BTRC: variants seen among roughly 807,000 people sequenced by gnomAD.
BTRC encodes beta-transducin repeat containing E3 ubiquitin protein ligase, also known as F-box/WD repeat-containing protein 1A.
BTRC carries 42 observed loss-of-function variants against 85.5 expected under a neutral mutation model. The observed-to-expected ratio is 0.49, with a 90% confidence interval of 0.38 to 0.64. The LOEUF is 0.64. BTRC is among the 30% of genes least tolerant of loss of function. The pLI, the probability that BTRC is intolerant of heterozygous loss-of-function variation, is 0.00. For synonymous variants in BTRC, 255 were observed against 263.3 expected (o/e 0.97, Z 0.30); for missense variants, 594 against 743.5 (o/e 0.80, Z 2.34).
intron 1 of BTRC, among the ~76,000 whole-genome samples, chr10:101,358,474 A>G (rs1427819506): frequency 6.6e-6 from 1 of 152,244 alleles, no homozygotes; most frequent in Non-Finnish European, 1.5e-5. Flanking sequence ...AGTAGCTTGA[A>G]ATAGATGAAA....
At position 101,430,427 on chromosome 10, in the gene BTRC, G is replaced by A; in HGVS notation, c.131G>A (p.Gly44Glu). Residue 44 changes from glycine (G) to glutamate (E), a missense_variant, in exon 2 of 15, where the codon GGG (glycine) becomes GAG (glutamate). Around this residue, in one of 4 missense-constraint regions of BTRC, gnomAD observed 163 missense variants for 180.5 expected, o/e 0.90. Coordinates refer to ENST00000370187, the MANE Select transcript of BTRC (RefSeq NM_033637.4). Reference protein sequence around the residue: ...MPSLRCLYNPGTGALTAFQNS... With the variant: ...MPSLRCLYNPETGALTAFQNS... ...TCGCTGCGATGCCTGTATAACCCAGGGACTGGCGCACTCACAGCTTTCCAG... is the reference window on the plus strand; with the variant it reads ...TCGCTGCGATGCCTGTATAACCCAGAGACTGGCGCACTCACAGCTTTCCAG... 6.2e-7 allele frequency: 1 copy of A among 1,613,898 alleles called. No homozygotes were observed. Among genetic ancestry groups the A allele is most frequent in the African/African-American group, 1.3e-5 (1 of 75,006 alleles).
At chr10:101,501,263 CTA>C (rs1946394628) in intron 4 of BTRC, among the ~76,000 whole-genome samples, 1 of 152,042 alleles carries the variant, frequency 6.6e-6, no homozygotes, top group Admixed American at 6.5e-5. Flanking sequence ...GAATGAATCT[CTA>C]TTTTTAAATT....
intron 1 of BTRC, among the ~76,000 whole-genome samples, chr10:101,373,713 C>G (rs767844098): frequency 6.6e-6 from 1 of 152,116 alleles, no homozygotes; most frequent in East Asian, 1.9e-4. Context: ...GTCAGGAGAT[C>G]GAGACCATCC....
intron 1 of BTRC, among the ~76,000 whole-genome samples, chr10:101,362,168 C>G (rs1236493284): frequency 6.6e-6 from 1 of 151,702 alleles, no homozygotes; most frequent in African/African-American, 2.4e-5. Flanking sequence ...ACCATGTTGG[C>G]CAGGACAGTC....
At chr10:101,420,020 T>C (rs1944055949) in intron 1 of BTRC, among the ~76,000 whole-genome samples, 1 of 149,450 alleles carries the variant, frequency 6.7e-6, no homozygotes, top group South Asian at 2.2e-4. Context: ...GCCCTCTCAG[T>C]TGGTAGTCAG....
intron 4 of BTRC, among the ~76,000 whole-genome samples, chr10:101,494,404 AGCT>A (rs1404332117): frequency 6.6e-6 from 1 of 152,226 alleles, no homozygotes; most frequent in African/African-American, 2.4e-5. Flanking sequence ...AAATTGCTAA[AGCT>A]GACTTTATAG....
At chr10:101,515,222 C>T (rs1223281483) in intron 4 of BTRC, among the ~76,000 whole-genome samples, 1 of 152,160 alleles carries the variant, frequency 6.6e-6, no homozygotes, top group Non-Finnish European at 1.5e-5. Flanking sequence ...TCCCAAAGTG[C>T]TGGGATTACA....
At chr10:101,549,486 G>A (rs541993664) in intron 13 of BTRC, among the ~76,000 whole-genome samples, 11 of 151,292 alleles carry the variant, frequency 7.3e-5, no homozygotes, top group South Asian at 4.2e-4. Flanking sequence ...AGGCCGAGGC[G>A]GGTGGATCAC....
At chr10:101,549,736 A>T (rs1054808746) in intron 13 of BTRC, among the ~76,000 whole-genome samples, 17 of 149,106 alleles carry the variant, frequency 1.1e-4, no homozygotes, top group South Asian at 2.1e-4. Context: ...AAAAAAAAAA[A>T]GATGATGATG....
chr10:101,414,134 T>G (rs1943859019), intron 1 of BTRC, among the ~76,000 whole-genome samples: 1 of 152,266 alleles, frequency 6.6e-6, no homozygotes, highest in East Asian at 1.9e-4. Context: ...CCATTACCCA[T>G]CACCTCTCAG....
chr10:101,536,702 C>T (rs2062392684), intron 12 of BTRC, 49 bp downstream of exon 12: 1 of 1,384,738 alleles, frequency 7.2e-7, no homozygotes, highest in African/African-American at 1.4e-5. Context: ...CGTCTTAATC[C>T]TTCCTTATGT....
chr10:101,432,451 A>G (rs1944427489), intron 2 of BTRC, among the ~76,000 whole-genome samples: 1 of 152,088 alleles, frequency 6.6e-6, no homozygotes, highest in Non-Finnish European at 1.5e-5. Flanking sequence ...TTAACTACAT[A>G]TCATACTGAC....
At chr10:101,407,899 T>A (rs1404013918) in intron 1 of BTRC, among the ~76,000 whole-genome samples, 1 of 151,860 alleles carries the variant, frequency 6.6e-6, no homozygotes, top group Non-Finnish European at 1.5e-5. Flanking sequence ...ATTTTTTGTA[T>A]TTTTAGTAGA....
Position 101,550,826 on chromosome 10 carries a change from C to A in BTRC, c.1784C>A (p.Ser595Tyr). The A allele has an allele frequency of 6.2e-7, 1 of 1,614,056 alleles. No individual in the cohort carries two copies. Among genetic ancestry groups the A allele is most frequent in the Non-Finnish European group, 8.5e-7 (1 of 1,179,942 alleles). ...GCTGCCCAAGCTGAACCCCCCCGTT[C>A]CCCTTCTCGAACATACACCTACATC... ...DPAAQAEPPRSPSRTYTYISR is the reference protein window; with the variant it reads ...DPAAQAEPPRYPSRTYTYISR The change falls in exon 14 of 15, where the codon TCC (serine) becomes TAC (tyrosine). Residue 595 changes from serine (S) to tyrosine (Y), a missense_variant. By Grantham distance (144) the Ser-to-Tyr change is moderately radical (BLOSUM62 -2). Coordinates refer to ENST00000370187, the MANE Select transcript of BTRC (RefSeq NM_033637.4).
chr10:101,406,524 CTTTTTTTTT>C (rs58902120), intron 1 of BTRC, among the ~76,000 whole-genome samples: 10 of 50,424 alleles, frequency 2.0e-4, no homozygotes, highest in African/African-American at 3.9e-4. Flanking sequence ...TCTCAGGTTT[CTTTTTTTTT>C]TTTTTTTTTT....
At chr10:101,442,121 A>G (rs1193620499) in intron 2 of BTRC, among the ~76,000 whole-genome samples, 1 of 152,170 alleles carries the variant, frequency 6.6e-6, no homozygotes, top group Non-Finnish European at 1.5e-5. Context: ...ATGTAGCGGC[A>G]TATCAGAGTG....
intron 1 of BTRC, among the ~76,000 whole-genome samples, chr10:101,361,544 ATC>A (rs1253373176): frequency 6.6e-6 from 1 of 152,248 alleles, no homozygotes; most frequent in African/African-American, 2.4e-5. Flanking sequence ...TAATAAGTCA[ATC>A]TCAGCATTCT....
chr10:101,482,286 G>T (rs1025150393), intron 4 of BTRC, among the ~76,000 whole-genome samples: 3 of 151,378 alleles, frequency 2.0e-5, no homozygotes, highest in African/African-American at 7.3e-5. Context: ...CTCCCAAAGT[G>T]CTGGGATTAC....
intron 2 of BTRC, among the ~76,000 whole-genome samples, chr10:101,447,431 AG>A (rs1944856195): frequency 6.6e-6 from 1 of 152,188 alleles, no homozygotes; most frequent in African/African-American, 2.4e-5. Flanking sequence ...TGTATATAGG[AG>A]CAAAAGATGC....
Sources: allele counts gnomAD v4.1 joint callset (sites outside exome capture counted in the v4.1 genomes callset), GRCh38; gene constraint gnomAD v4.1.1; regional missense constraint gnomAD v4.1.1; transcripts MANE v1.5; gene names NCBI Gene and HGNC (gene_info 2026-07-23, HGNC 2026-07-21).